Variants in ME3 observed in about 807,000 individuals in gnomAD.
ME3 encodes NADP-dependent malic enzyme, mitochondrial.
In ME3, 48 loss-of-function variants were observed where a neutral mutation model predicts 68.9. The observed-to-expected ratio is 0.70, with a 90% confidence interval of 0.55 to 0.89. The LOEUF (loss-of-function observed/expected upper bound fraction) is 0.89. Among genes scored for constraint, ME3 ranks in the 40% least tolerant of loss-of-function variants. ME3 has a pLI of 0.00. For synonymous variants in ME3, 320 were observed against 318.8 expected (o/e 1.00, Z -0.04); for missense variants, 675 against 797.4 (o/e 0.85, Z 1.85).
chr11:86,560,728 G>GTGTA (rs1957171717), intron 2 of ME3, among the ~76,000 whole-genome samples: 1 of 97,982 alleles, frequency 1.0e-5, no homozygotes, highest in African/African-American at 4.0e-5. Flanking sequence ...GTGTGTGTAT[G>GTGTA]TGTGTGTGTG....
chr11:86,466,485 G>C (rs1284071096), intron 7 of ME3, among the ~76,000 whole-genome samples: 1 of 152,074 alleles, frequency 6.6e-6, no homozygotes, highest in Non-Finnish European at 1.5e-5. Context: ...GGAGCAGCTT[G>C]GGACTGGCTG....
At chr11:86,598,695 A>AC (rs536894010) in intron 2 of ME3, among the ~76,000 whole-genome samples, 1 of 152,142 alleles carries the variant, frequency 6.6e-6, no homozygotes, top group East Asian at 1.9e-4. Flanking sequence ...ACTGGGAGGC[A>AC]CCCCCCAGTA....
chr11:86,450,638 C>T (rs1276178482), intron 8 of ME3, among the ~76,000 whole-genome samples: 1 of 152,198 alleles, frequency 6.6e-6, no homozygotes, highest in Non-Finnish European at 1.5e-5. Context: ...AAGATGGGAT[C>T]AGATAGCCAG....
chr11:86,505,132 G>A (rs970543803), intron 5 of ME3, among the ~76,000 whole-genome samples: 2 of 152,158 alleles, frequency 1.3e-5, no homozygotes, highest in East Asian at 1.9e-4. Context: ...AGAATGATGA[G>A]CAGAGACTCC....
chr11:86,529,680 C>A (rs555937518), intron 4 of ME3, among the ~76,000 whole-genome samples: 69 of 152,320 alleles, frequency 4.5e-4, no homozygotes, highest in African/African-American at 1.6e-3. Flanking sequence ...GGCTTCATCC[C>A]TGGGATGCAA....
At chr11:86,578,295 C>T (rs1053101120) in intron 2 of ME3, among the ~76,000 whole-genome samples, 2 of 152,110 alleles carry the variant, frequency 1.3e-5, no homozygotes, top group Admixed American at 6.5e-5. Context: ...AGGTTACAGG[C>T]AGGGGAGCAG....
At chr11:86,487,486 T>A in intron 6 of ME3, 46 bp from the exon 7 acceptor site, 1 of 1,479,172 alleles carries the variant, frequency 6.8e-7, no homozygotes. Context: ...CCGGTGTTCC[T>A]GTTTTTTTTT....
chr11:86,502,780 G>T (rs1952814080), intron 5 of ME3, among the ~76,000 whole-genome samples: 1 of 152,154 alleles, frequency 6.6e-6, no homozygotes, highest in Non-Finnish European at 1.5e-5. Flanking sequence ...AGGTTTGGGG[G>T]AGGCTGTGCC....
At chr11:86,671,654 C>G (rs931757462) in intron 2 of ME3, 108 bp downstream of exon 2, 1 of 1,406,114 alleles carries the variant, frequency 7.1e-7, no homozygotes, top group Non-Finnish European at 9.7e-7. Context: ...ACAGAAAAAC[C>G]GCTGGAAGGG....
intron 2 of ME3, among the ~76,000 whole-genome samples, chr11:86,624,908 G>A (rs1943564995): frequency 6.6e-6 from 1 of 152,184 alleles, no homozygotes; most frequent in Non-Finnish European, 1.5e-5. Context: ...AAGAGAAAAT[G>A]TAGCATGTGG....
At chr11:86,481,236 G>A (rs1168517349) in intron 7 of ME3, among the ~76,000 whole-genome samples, 2 of 133,652 alleles carry the variant, frequency 1.5e-5, no homozygotes, top group Non-Finnish European at 3.2e-5. Context: ...TTTTTTTTGG[G>A]AGACGGGGGT....
chr11:86,585,082 C>T (rs1192554351), intron 2 of ME3, among the ~76,000 whole-genome samples: 2 of 152,120 alleles, frequency 1.3e-5, no homozygotes, highest in East Asian at 1.9e-4. Context: ...GGCAAAGAAA[C>T]ACCACGTTCA....
chr11:86,442,666 C>T (rs144281836), intron 14 of ME3, among the ~76,000 whole-genome samples, 155 bp downstream of exon 14: 1 of 152,118 alleles, frequency 6.6e-6, no homozygotes, highest in African/African-American at 2.4e-5. Context: ...AAGCTGCAAA[C>T]AAGAGTTTGT....
chr11:86,570,094 G>T (rs544425161), intron 2 of ME3, among the ~76,000 whole-genome samples: 1 of 152,198 alleles, frequency 6.6e-6, no homozygotes, highest in Admixed American at 6.5e-5. Flanking sequence ...CCTGGCCCAC[G>T]GCACACACAC....
chr11:86,640,329 T>A (rs17211577), intron 2 of ME3, among the ~76,000 whole-genome samples: 10 of 151,834 alleles, frequency 6.6e-5, no homozygotes, highest in African/African-American at 2.2e-4. Flanking sequence ...GAATATGGGG[T>A]TTTCCAAGGC....
At chr11:86,539,004 A>T (rs187093622) in intron 4 of ME3, among the ~76,000 whole-genome samples, 17 of 152,324 alleles carry the variant, frequency 1.1e-4, no homozygotes, top group Admixed American at 9.2e-4. Context: ...ACTGACAAGG[A>T]ACCACAACAC....
intron 2 of ME3, among the ~76,000 whole-genome samples, chr11:86,600,351 A>G (rs554544313): frequency 2.0e-5 from 3 of 152,342 alleles, no homozygotes; most frequent in African/African-American, 7.2e-5. Context: ...AAAAGAGACA[A>G]AGAAGGCCAT....
intron 7 of ME3, among the ~76,000 whole-genome samples, chr11:86,466,085 G>T (rs79822465): frequency 0.041 from 6,249 of 152,198 alleles, 129 homozygotes; most frequent in South Asian, 0.096. Flanking sequence ...GACTGAGTTT[G>T]TTCGAGTTTT....
At chr11:86,633,326 T>C (rs1050202350) in intron 2 of ME3, among the ~76,000 whole-genome samples, 1 of 152,222 alleles carries the variant, frequency 6.6e-6, no homozygotes, top group African/African-American at 2.4e-5. Flanking sequence ...TACAGCCACA[T>C]GAGGGGTGCT....
Sources: allele counts gnomAD v4.1 joint callset (sites outside exome capture counted in the v4.1 genomes callset), GRCh38; gene constraint gnomAD v4.1.1; transcripts MANE v1.5; gene names NCBI Gene and HGNC (gene_info 2026-07-23, HGNC 2026-07-21).